The following EDAR variants were observed in gnomAD, a reference collection of about 807,000 sequenced individuals.
EDAR encodes the protein ectodysplasin A receptor.
A neutral mutation model predicts 51.3 loss-of-function variants in EDAR; 38 were observed. The ratio of observed to expected loss-of-function variants is 0.74; its 90% CI spans 0.57 to 0.97. The LOEUF (loss-of-function observed/expected upper bound fraction) is 0.97. Among genes scored for constraint, EDAR ranks in the 50% least tolerant of loss-of-function variants. EDAR has a pLI of 0.00. For synonymous variants in EDAR, 227 were observed against 242.1 expected (o/e 0.94, Z 0.58); for missense variants, 528 against 595.0 (o/e 0.89, Z 1.17).
intron 1 of EDAR, among the ~76,000 whole-genome samples, chr2:108,955,184 C>G (rs1454935681): frequency 1.3e-5 from 2 of 152,282 alleles, no homozygotes; most frequent in Admixed American, 1.3e-4. Context: ...ATCTAAATGT[C>G]TGTGCCTTGG....
chr2:108,905,550 T>C (rs1480951992), intron 11 of EDAR, among the ~76,000 whole-genome samples: 1 of 149,574 alleles, frequency 6.7e-6, no homozygotes, highest in Non-Finnish European at 1.5e-5. Flanking sequence ...GGAGGAGGGG[T>C]AATGGGGGCA....
At chr2:108,924,776 G>A (rs1017942057) in intron 4 of EDAR, among the ~76,000 whole-genome samples, 65 of 152,344 alleles carry the variant, frequency 4.3e-4, no homozygotes, top group African/African-American at 1.5e-3. Flanking sequence ...AGCCACGACA[G>A]CCAGTTTTAC....
intron 9 of EDAR, 106 bp from the exon 10 acceptor site, chr2:108,908,125 G>A: frequency 1.5e-6 from 2 of 1,296,946 alleles, no homozygotes; most frequent in South Asian, 3.1e-5. Flanking sequence ...GACAGTGGGG[G>A]GCAATGACTT....
At chr2:108,975,832 A>G (rs1200783981) in intron 1 of EDAR, among the ~76,000 whole-genome samples, 1 of 152,156 alleles carries the variant, frequency 6.6e-6, no homozygotes, top group Non-Finnish European at 1.5e-5. Flanking sequence ...TCGAGAAGTC[A>G]AGGCCACCCC....
intron 1 of EDAR, among the ~76,000 whole-genome samples, chr2:108,970,487 A>T (rs1205137721): frequency 6.6e-6 from 1 of 152,126 alleles, no homozygotes; most frequent in Non-Finnish European, 1.5e-5. Context: ...GGAGGGCAGG[A>T]CACTGAGTGG....
At chr2:108,929,451 C>CGAG in intron 3 of EDAR, 72 bp from the exon 4 acceptor site, 1 of 1,513,018 alleles carries the variant, frequency 6.6e-7, no homozygotes, top group Non-Finnish European at 9.2e-7. Flanking sequence ...GCCCACAGTC[C>CGAG]TTGGGCAGTG....
chr2:108,967,598 G>C (rs1049428019), intron 1 of EDAR, among the ~76,000 whole-genome samples: 1 of 152,176 alleles, frequency 6.6e-6, no homozygotes, highest in Non-Finnish European at 1.5e-5. Context: ...AAACTTGAAA[G>C]AGCAGGGGGC....
At chr2:108,988,037 TGGCCTGG>T (rs2104498807) in intron 1 of EDAR, among the ~76,000 whole-genome samples, 1 of 152,346 alleles carries the variant, frequency 6.6e-6, no homozygotes, top group South Asian at 2.1e-4. Flanking sequence ...CACAGAGCAG[TGGCCTGG>T]GGACTGGGGA....
intron 1 of EDAR, among the ~76,000 whole-genome samples, chr2:108,953,316 C>G (rs747366501): frequency 2.0e-5 from 3 of 152,126 alleles, no homozygotes; most frequent in African/African-American, 7.2e-5. Context: ...CAAGACCCAC[C>G]GGTAAACTTC....
intron 1 of EDAR, among the ~76,000 whole-genome samples, chr2:108,963,613 G>A (rs1312740042): frequency 6.6e-6 from 1 of 152,178 alleles, no homozygotes; most frequent in African/African-American, 2.4e-5. Flanking sequence ...AATTACAAGA[G>A]GGGTTTTAGA....
intron 10 of EDAR, 100 bp downstream of exon 10, chr2:108,907,760 C>T: frequency 7.2e-7 from 1 of 1,398,094 alleles, no homozygotes; most frequent in South Asian, 1.2e-5. Flanking sequence ...GGAGAAACAC[C>T]CCGTCTTGCA....
In EDAR at chr2:108,910,991, A is replaced by T; in HGVS notation, c.611T>A (p.Leu204His). 1 of 1,614,150 alleles carries T rather than the reference A, an allele frequency of 6.2e-7. No homozygotes were observed. Among genetic ancestry groups the T allele is most frequent in the Non-Finnish European group, 8.5e-7 (1 of 1,180,014 alleles). ...TIFIMAIAIV[L>H]IIMFYILKTK... ...CTTCAGGATGTAGAACATGATGATG[A>T]GGACGATGGCGATGGCCATGATGAA... Residue 204 changes from leucine to histidine, a missense_variant, in exon 7 of 12, where the codon CTC becomes CAC. Physicochemically the swap from Leu to His is moderately conservative, Grantham distance 99. Coordinates refer to ENST00000258443, the MANE Select transcript of EDAR (RefSeq NM_022336.4).
chr2:108,963,518 C>T (rs1463453453), intron 1 of EDAR, among the ~76,000 whole-genome samples: 3 of 152,170 alleles, frequency 2.0e-5, no homozygotes, highest in Admixed American at 2.0e-4. Context: ...CAATGTACCC[C>T]AATGGTTTCG....
chr2:108,926,303 C>T (rs930618261), intron 4 of EDAR, among the ~76,000 whole-genome samples: 1 of 152,162 alleles, frequency 6.6e-6, no homozygotes, highest in African/African-American at 2.4e-5. Flanking sequence ...CTCCCTAGCC[C>T]CCCAACCCCT....
chr2:108,930,868 A>G lies in EDAR; in HGVS notation c.51+96T>C. On this transcript the variant is annotated intron_variant, in intron 2 of 11. Coordinates refer to ENST00000258443, the MANE Select transcript of EDAR (RefSeq NM_022336.4). The stretch of plus-strand genomic sequence containing the variant: ...AGAACCCTGTGGAGGAGGGACTATG[A>G]TCAGCATTCCCATTTTACAGCTGAA... The G allele has an allele frequency of 2.2e-6, 3 of 1,355,684 alleles. No homozygotes were observed. The South Asian group carries it at 3.5e-5, about 16-fold the overall frequency. The allele number at this position is 1,355,684 out of a possible 1,614,324, so 84.0% of individuals were successfully genotyped here. A position where few individuals can be genotyped will look rare whatever the true frequency, so the allele number is the denominator to read the frequency against.
intron 1 of EDAR, among the ~76,000 whole-genome samples, chr2:108,947,787 G>C (rs1007170280): frequency 6.6e-6 from 1 of 152,172 alleles, no homozygotes; most frequent in Non-Finnish European, 1.5e-5. Context: ...TGGTGGGAGA[G>C]GCTGGTGTGA....
At position 108,895,209 on chromosome 2, in the gene EDAR, T is replaced by C. The variant is rs902486310; in HGVS notation, c.*1698A>G. 5 of 152,646 alleles carry C rather than the reference T, an allele frequency of 3.3e-5. No individual in the cohort carries two copies. Among genetic ancestry groups the C allele is most frequent in the South Asian group, 2.1e-4 (1 of 4,830 alleles). The allele number at this position is 152,646 out of a possible 1,614,324, so 9.5% of individuals were successfully genotyped here. On this transcript the variant is annotated 3_prime_UTR_variant, in exon 12 of 12. Transcript: ENST00000258443. The stretch of plus-strand genomic sequence containing the variant: ...ACCTCATTATGATCCTCTCACAGTA[T>C]GTACTACATTCGTTGGTGGGAAATT...
At chr2:108,950,203 A>ACCTC (rs1356572893) in intron 1 of EDAR, among the ~76,000 whole-genome samples, 2 of 112,530 alleles carry the variant, frequency 1.8e-5, no homozygotes, top group African/African-American at 3.1e-5. Flanking sequence ...TTCCCTCCCT[A>ACCTC]CCTCCCTCCC....
At position 108,953,179 on chromosome 2, in the gene EDAR, G is replaced by T. The variant is rs186258316; in HGVS notation, c.-18-22147C>A. 4.6e-5 allele frequency among the ~76,000 whole-genome samples: 7 copies of T among 152,296 alleles called. No homozygotes were observed. In the East Asian group the frequency reaches 1.3e-3, roughly 29 times the overall value. ...GGAGTCTCTATTGAAAGCTCAAAGT[G>T]GTGGCTGAGCTTTCTGCATTCTGGC... On this transcript the variant is annotated intron_variant, in intron 1 of 11. Coordinates refer to ENST00000258443, the MANE Select transcript of EDAR (RefSeq NM_022336.4).
Sources: gnomAD v4.1 joint callset for allele counts (sites outside exome capture counted in the v4.1 genomes callset) on GRCh38, gnomAD v4.1.1 for gene constraint, MANE v1.5 for transcripts, NCBI Gene and HGNC (gene_info 2026-07-23, HGNC 2026-07-21) for gene names.